SGCD: variants seen among roughly 807,000 people sequenced by gnomAD.
SGCD encodes sarcoglycan delta, also known as delta-sarcoglycan.
SGCD carries 18 observed loss-of-function variants against 36.6 expected under a neutral mutation model. The observed-to-expected ratio is 0.49, with a 90% CI of 0.34 to 0.73. SGCD has a LOEUF of 0.73. Among genes scored for constraint, SGCD ranks in the 30% least tolerant of loss-of-function variants. The pLI is 0.01. For missense variants in SGCD, 387 were observed against 346.7 expected (o/e 1.12, Z -0.92); for synonymous variants, 133 against 130.6 (o/e 1.02, Z -0.12).
At chr5:156,367,688 G>T (rs78951811) in intron 3 of SGCD, among the ~76,000 whole-genome samples, 357 of 152,276 alleles carry the variant, frequency 2.3e-3, no homozygotes, top group African/African-American at 8.0e-3. Context: ...TATTCCATGT[G>T]GCAGCCCTGT....
At chr5:156,650,499 C>G (rs1387960899) in intron 7 of SGCD, among the ~76,000 whole-genome samples, 1 of 152,110 alleles carries the variant, frequency 6.6e-6, no homozygotes, top group Non-Finnish European at 1.5e-5. Context: ...TCTCTCTCCT[C>G]ATCTACTAGT....
chr5:156,353,353 AATGAG>A (rs1462952237), intron 3 of SGCD, among the ~76,000 whole-genome samples: 2 of 152,212 alleles, frequency 1.3e-5, no homozygotes, highest in Non-Finnish European at 2.9e-5. Flanking sequence ...GTAGATCATA[AATGAG>A]ATGAGTGCTT....
the SGCD span, among the ~76,000 whole-genome samples, chr5:155,862,594 C>T: frequency 6.6e-6 from 1 of 152,158 alleles, no homozygotes; most frequent in East Asian, 1.9e-4. Context: ...ACCTCAGCTC[C>T]CAAATTGCTA....
intron 3 of SGCD, among the ~76,000 whole-genome samples, chr5:156,465,586 G>A (rs754584805): frequency 3.3e-5 from 5 of 152,040 alleles, no homozygotes; most frequent in Non-Finnish European, 5.9e-5. Context: ...TTCTACCCTG[G>A]AGGCCGCCTC....
At chr5:156,529,078 A>C (rs77627069) in intron 4 of SGCD, among the ~76,000 whole-genome samples, 4,714 of 152,164 alleles carry the variant, frequency 0.031, 166 homozygotes, top group African/African-American at 0.08. Flanking sequence ...ATTCCCACAG[A>C]CCGTAGTAAC....
intron 3 of SGCD, among the ~76,000 whole-genome samples, chr5:156,423,349 A>ATTATAATATAATAT (rs1561685768): frequency 6.6e-5 from 1 of 15,074 alleles, no homozygotes; most frequent in East Asian, 1.8e-3. Flanking sequence ...AATATATTAT[A>ATTATAATATAATAT]ATTTTATTAT....
intron 3 of SGCD, among the ~76,000 whole-genome samples, chr5:156,386,150 T>C (rs1771265652): frequency 6.6e-6 from 1 of 152,066 alleles, no homozygotes; most frequent in South Asian, 2.1e-4. Flanking sequence ...TCACAAGTGT[T>C]TTTGAAGCAC....
chr5:156,004,436 T>C (rs754741146), intron 1 of SGCD, among the ~76,000 whole-genome samples: 2 of 152,138 alleles, frequency 1.3e-5, no homozygotes, highest in Non-Finnish European at 2.9e-5. Flanking sequence ...TTATGTGAGG[T>C]GTTTTCCATA....
intron 7 of SGCD, among the ~76,000 whole-genome samples, chr5:156,681,312 C>T (rs1753713556): frequency 6.6e-6 from 1 of 152,166 alleles, no homozygotes; most frequent in South Asian, 2.1e-4. Context: ...CATCCAGGCC[C>T]CTCTCTGAAG....
At chr5:156,434,548 C>G (rs372956031) in intron 3 of SGCD, among the ~76,000 whole-genome samples, 2 of 152,260 alleles carry the variant, frequency 1.3e-5, no homozygotes, top group South Asian at 4.1e-4. Context: ...GCTGCAAACC[C>G]GGCCAGCGAT....
chr5:156,547,720 G>T (rs1454329879), intron 4 of SGCD, among the ~76,000 whole-genome samples: 1 of 152,128 alleles, frequency 6.6e-6, no homozygotes, highest in African/African-American at 2.4e-5. Context: ...GGGATTACAG[G>T]CACGAGCCGA....
At chr5:156,451,415 G>A (rs1372248059) in intron 3 of SGCD, among the ~76,000 whole-genome samples, 1 of 152,138 alleles carries the variant, frequency 6.6e-6, no homozygotes, top group Non-Finnish European at 1.5e-5. Context: ...CAGTCCCCAG[G>A]ATGTGTCCTG....
At chr5:156,504,716 A>G (rs753414534) in intron 3 of SGCD, among the ~76,000 whole-genome samples, 1 of 152,224 alleles carries the variant, frequency 6.6e-6, no homozygotes, top group East Asian at 1.9e-4. Context: ...AAGTAACATA[A>G]TAATTTTCAG....
intron 3 of SGCD, among the ~76,000 whole-genome samples, chr5:156,134,102 CT>C (rs924005300): frequency 3.3e-5 from 5 of 152,192 alleles, no homozygotes; most frequent in South Asian, 4.1e-4. Context: ...ACAGAAAGAC[CT>C]TTTTTTCCCC....
At chr5:155,844,891 A>G in the SGCD span, among the ~76,000 whole-genome samples, 2 of 152,176 alleles carry the variant, frequency 1.3e-5, no homozygotes, top group East Asian at 1.9e-4. Flanking sequence ...TTTTTTTATT[A>G]TTGTACTTTA....
the SGCD span, among the ~76,000 whole-genome samples, chr5:155,807,559 T>G: frequency 4.6e-5 from 7 of 152,256 alleles, no homozygotes; most frequent in African/African-American, 1.7e-4. Context: ...ATGATAGAAC[T>G]ATGATCCGTT....
intron 1 of SGCD, among the ~76,000 whole-genome samples, chr5:155,876,829 C>T (rs1374388102): frequency 6.6e-6 from 1 of 152,046 alleles, no homozygotes; most frequent in Non-Finnish European, 1.5e-5. Flanking sequence ...TATTTTATGA[C>T]CTTCACTGTG....
chr5:156,333,517 A>G (rs183673079), intron 2 of SGCD, among the ~76,000 whole-genome samples: 221 of 152,306 alleles, frequency 1.5e-3, no homozygotes, highest in Non-Finnish European at 2.7e-3. Flanking sequence ...ATCTAGAAGC[A>G]TTTAATATAA....
intron 3 of SGCD, among the ~76,000 whole-genome samples, chr5:156,181,730 A>G (rs546773998): frequency 6.6e-6 from 1 of 152,280 alleles, no homozygotes; most frequent in South Asian, 2.1e-4. Flanking sequence ...TTCATTTGGC[A>G]TGCAATGCTT....
Sources: allele counts gnomAD v4.1 joint callset (sites outside exome capture counted in the v4.1 genomes callset), GRCh38; gene constraint gnomAD v4.1.1; transcripts MANE v1.5; gene names NCBI Gene and HGNC (gene_info 2026-07-23, HGNC 2026-07-21).